The following PPP1CB variants were observed in gnomAD, a reference collection of about 807,000 sequenced individuals.
The protein encoded by PPP1CB is serine/threonine-protein phosphatase PP1-beta catalytic subunit.
Under a neutral mutation model 43.7 loss-of-function variants are expected in PPP1CB, and 2 were observed. That is an observed-to-expected ratio of 0.05 (90% confidence interval 0.02 to 0.14). PPP1CB has a LOEUF of 0.14. PPP1CB is among the 10% of genes least tolerant of loss of function. The pLI is 1.00. For missense variants in PPP1CB, 84 were observed against 398.0 expected (o/e 0.21, Z 6.71); for synonymous variants, 136 against 135.6 (o/e 1.00, Z -0.02).
At chr2:28,795,653 T>C (rs1667483648) in intron 7 of PPP1CB, among the ~76,000 whole-genome samples, 1 of 152,226 alleles carries the variant, frequency 6.6e-6, no homozygotes. Flanking sequence ...AATGGGGTTG[T>C]TTTTTGATTG....
At chr2:28,795,358 C>T (rs933390413) in intron 7 of PPP1CB, among the ~76,000 whole-genome samples, 5 of 152,086 alleles carry the variant, frequency 3.3e-5, no homozygotes, top group African/African-American at 4.8e-5. Flanking sequence ...ATTGCTGGGT[C>T]GAATGGTGGT....
chr2:28,777,435 T>C (rs766478675), intron 2 of PPP1CB, among the ~76,000 whole-genome samples: 25 of 152,358 alleles, frequency 1.6e-4, no homozygotes, highest in Admixed American at 5.2e-4. Flanking sequence ...AAGGGCATCA[T>C]AGTACACTGG....
chr2:28,789,863 C>G (rs922139089), intron 6 of PPP1CB, among the ~76,000 whole-genome samples: 4 of 152,082 alleles, frequency 2.6e-5, no homozygotes, highest in Non-Finnish European at 5.9e-5. Flanking sequence ...TCCCAAAGTG[C>G]TGAGATGACA....
intron 7 of PPP1CB, among the ~76,000 whole-genome samples, chr2:28,797,236 T>C (rs1667514322): frequency 6.6e-6 from 1 of 152,150 alleles, no homozygotes; most frequent in Admixed American, 6.5e-5. Context: ...TTTTCTTTTT[T>C]CCTTGTGCCT....
At chr2:28,761,080 TTAG>T (rs1328007945) in intron 1 of PPP1CB, among the ~76,000 whole-genome samples, 1 of 152,150 alleles carries the variant, frequency 6.6e-6, no homozygotes, top group Non-Finnish European at 1.5e-5. Flanking sequence ...TTCTGTATTT[TTAG>T]TAGTAGAGAT....
intron 5 of PPP1CB, among the ~76,000 whole-genome samples, chr2:28,784,210 CA>C (rs575306551): frequency 1.1e-4 from 17 of 152,228 alleles, no homozygotes; most frequent in Middle Eastern, 6.8e-3. Context: ...TATTTGATCA[CA>C]AAAAAGATTT....
chr2:28,776,751 G>A (rs749536443), intron 1 of PPP1CB, 100 bp from the exon 2 acceptor site: 1 of 1,105,188 alleles, frequency 9.0e-7, no homozygotes, highest in Non-Finnish European at 1.3e-6. Context: ...TTTGCTGCCT[G>A]TGTGACTTTT....
chr2:28,755,803 C>T (rs1666476975), intron 1 of PPP1CB, among the ~76,000 whole-genome samples: 1 of 152,142 alleles, frequency 6.6e-6, no homozygotes, highest in Non-Finnish European at 1.5e-5. Context: ...AGTGCCAGCT[C>T]TGTTCCCAAC....
chr2:28,776,032 G>A (rs1226591530), intron 1 of PPP1CB, among the ~76,000 whole-genome samples: 1 of 151,896 alleles, frequency 6.6e-6, no homozygotes, highest in Admixed American at 6.6e-5. Flanking sequence ...GTAGAGATAG[G>A]AGTTGCTAAA....
chr2:28,788,868 C>A, intron 6 of PPP1CB, 59 bp downstream of exon 6: 1 of 1,451,922 alleles, frequency 6.9e-7, no homozygotes, highest in Non-Finnish European at 9.2e-7. Context: ...TGGGGGCAGA[C>A]GGAGGGGCAG....
chr2:28,791,918 T>G (rs954036426), intron 6 of PPP1CB, among the ~76,000 whole-genome samples: 18 of 152,176 alleles, frequency 1.2e-4, no homozygotes, highest in African/African-American at 3.9e-4. Flanking sequence ...TCTAGAAATA[T>G]TCCCTTTAAA....
intron 1 of PPP1CB, among the ~76,000 whole-genome samples, chr2:28,772,143 C>A (rs1666928160): frequency 6.6e-6 from 1 of 151,890 alleles, no homozygotes; most frequent in Non-Finnish European, 1.5e-5. Context: ...ATGGTGAAAC[C>A]CTGTCTCTAC....
intron 1 of PPP1CB, among the ~76,000 whole-genome samples, chr2:28,760,984 T>A (rs1666630858): frequency 6.6e-6 from 1 of 152,204 alleles, no homozygotes; most frequent in South Asian, 2.1e-4. Context: ...CACTGCAGCC[T>A]CCGCCTCCTG....
chr2:28,752,086 T>C lies in PPP1CB; in HGVS notation c.-39T>C. 1.9e-6 allele frequency: 3 copies of C among 1,547,816 alleles called. No homozygotes were observed. Among genetic ancestry groups the C allele is most frequent in the Non-Finnish European group, 2.6e-6 (3 of 1,144,334 alleles). The stretch of plus-strand genomic sequence containing the variant: ...CGCAGCCTCCGCCGCCGAGAAGCCC[T>C]TGTTCCCGCTGCTGGGAAGGAGAGT... On this transcript the variant is annotated 5_prime_UTR_variant, in exon 1 of 8. Coordinates refer to ENST00000395366, the MANE Select transcript of PPP1CB (RefSeq NM_002709.3).
At chr2:28,772,887 G>A (rs778952980) in intron 1 of PPP1CB, among the ~76,000 whole-genome samples, 67 of 152,170 alleles carry the variant, frequency 4.4e-4, no homozygotes, top group Non-Finnish European at 9.0e-4. Flanking sequence ...TACTCAGCCT[G>A]TATTTCAAAT....
In PPP1CB at chr2:28,781,480, C is replaced by T. The variant is rs535951653; in HGVS notation, c.416-258C>T. ...CTGATACTTTGTATTCTTTGACCAA[C>T]ATCTTCCCATCCCACCCCTACCCCC... On this transcript the variant is annotated intron_variant, in intron 3 of 7. Transcript: ENST00000395366. Among the ~76,000 whole-genome samples, 12 of 152,242 alleles carry T rather than the reference C, an allele frequency of 7.9e-5. No homozygotes were observed. The South Asian group carries it at 8.3e-4, about 11-fold the overall frequency.
At chr2:28,780,162 C>T (rs1667128792) in intron 3 of PPP1CB, among the ~76,000 whole-genome samples, 3 of 143,748 alleles carry the variant, frequency 2.1e-5, no homozygotes, top group African/African-American at 7.6e-5. Flanking sequence ...GATCTCAGCT[C>T]ACTGCAACCT....
At chr2:28,796,862 A>C (rs1278375254) in intron 7 of PPP1CB, among the ~76,000 whole-genome samples, 3 of 152,134 alleles carry the variant, frequency 2.0e-5, no homozygotes, top group Non-Finnish European at 2.9e-5. Context: ...CCAGTTCTCA[A>C]GGGGAATGCT....
At chr2:28,771,965 C>T (rs552390699) in intron 1 of PPP1CB, among the ~76,000 whole-genome samples, 36 of 128,166 alleles carry the variant, frequency 2.8e-4, no homozygotes, top group African/African-American at 9.6e-4. Context: ...AGACTTAAAA[C>T]GAACTTGTCC....
Sources: allele counts gnomAD v4.1 joint callset (sites outside exome capture counted in the v4.1 genomes callset), GRCh38; gene constraint gnomAD v4.1.1; transcripts MANE v1.5; gene names NCBI Gene and HGNC (gene_info 2026-07-23, HGNC 2026-07-21).